Variants in DIS3L2 observed in about 807,000 individuals in gnomAD.
DIS3L2 encodes DIS3-like exonuclease 2.
Under a neutral mutation model 97.5 loss-of-function variants are expected in DIS3L2, and 34 were observed. The observed-to-expected ratio is 0.35, with a 90% confidence interval of 0.27 to 0.46. The LOEUF is 0.46. Among genes scored for constraint, DIS3L2 ranks in the 20% least tolerant of loss-of-function variants. The pLI is 1.00. For synonymous variants in DIS3L2, 435 were observed against 445.2 expected, an observed-to-expected ratio of 0.98 and a Z score of 0.29; for missense variants, 1,038 against 1,146.0, an observed-to-expected ratio of 0.91 and a Z score of 1.36.
chr2:232,338,121 G>A (rs73092156), downstream of DIS3L2, among the ~76,000 whole-genome samples: 17,013 of 151,738 alleles, frequency 0.11, 1,363 homozygotes, highest in African/African-American at 0.23. Context: ...CAGCCTGACT[G>A]TGAGAGCCCC....
chr2:232,304,434 C>T (rs7587275), intron 14 of DIS3L2, among the ~76,000 whole-genome samples: 19,927 of 152,160 alleles, frequency 0.13, 2,175 homozygotes, highest in African/African-American at 0.3. Context: ...AGGAGCAAAG[C>T]GCACTCCAGC....
intron 7 of DIS3L2, among the ~76,000 whole-genome samples, chr2:232,134,114 T>C (rs1160080091): frequency 6.6e-6 from 1 of 151,840 alleles, no homozygotes; most frequent in Non-Finnish European, 1.5e-5. Context: ...ATCAGTGAAC[T>C]TGAGGAGATC....
At position 232,336,924 on chromosome 2, in the gene DIS3L2, T is replaced by TG. The variant is rs555818431; in HGVS notation, c.*301dup. 3,478 of 1,227,832 alleles carry TG rather than the reference T, an allele frequency of 2.8e-3. 3 individuals carry two copies. Among genetic ancestry groups the TG allele is most frequent in the Admixed American group, 3.6e-3 (85 of 23,890 alleles). 76.1% of individuals were successfully genotyped at this position (1,227,832 alleles called of 1,614,324 possible). On this transcript the variant is annotated 3_prime_UTR_variant, in exon 21 of 21. Transcript: ENST00000325385. The stretch of plus-strand genomic sequence containing the variant: ...CTACTGCCCTCCTCTGCCCAGGAAA[T>TG]GGGGGGGTTTCAGCAACTCAGTGTC...
intron 5 of DIS3L2, among the ~76,000 whole-genome samples, chr2:232,049,535 A>G (rs1256684626): frequency 2.6e-5 from 4 of 152,146 alleles, no homozygotes; most frequent in South Asian, 2.1e-4. Flanking sequence ...TTCTGTCCAC[A>G]TGATGACACA....
intron 12 of DIS3L2, among the ~76,000 whole-genome samples, chr2:232,253,245 A>C (rs569784834): frequency 1.3e-5 from 2 of 152,262 alleles, no homozygotes; most frequent in African/African-American, 4.8e-5. Flanking sequence ...ATTGGAGTGC[A>C]ATAGCCACAG....
chr2:232,143,432 A>G (rs1454419739), intron 8 of DIS3L2, among the ~76,000 whole-genome samples: 2 of 152,164 alleles, frequency 1.3e-5, no homozygotes, highest in Non-Finnish European at 2.9e-5. Context: ...GGTGATCATT[A>G]TAAATAACTC....
At chr2:232,158,089 A>G (rs547613809) in intron 8 of DIS3L2, among the ~76,000 whole-genome samples, 2 of 152,292 alleles carry the variant, frequency 1.3e-5, no homozygotes, top group East Asian at 3.9e-4. Flanking sequence ...ACTGCCTATC[A>G]GCCTATCAGG....
chr2:232,279,619 C>T (rs1441769697), intron 13 of DIS3L2, among the ~76,000 whole-genome samples: 1 of 152,134 alleles, frequency 6.6e-6, no homozygotes, highest in East Asian at 1.9e-4. Flanking sequence ...TCCTCTACCT[C>T]CTGGGTTCGA....
intron 1 of DIS3L2, among the ~76,000 whole-genome samples, chr2:231,980,715 A>G (rs1693228380): frequency 6.6e-6 from 1 of 152,142 alleles, no homozygotes; most frequent in African/African-American, 2.4e-5. Flanking sequence ...AGAGAAAAAA[A>G]AAAGATAAGC....
intron 8 of DIS3L2, among the ~76,000 whole-genome samples, chr2:232,140,142 T>C (rs1299079752): frequency 6.6e-6 from 1 of 152,192 alleles, no homozygotes; most frequent in Non-Finnish European, 1.5e-5. Context: ...TACACTTCCT[T>C]TCCTAACAGT....
chr2:232,257,529 G>C (rs1240390458), intron 12 of DIS3L2, among the ~76,000 whole-genome samples: 1 of 152,130 alleles, frequency 6.6e-6, no homozygotes, highest in Non-Finnish European at 1.5e-5. Context: ...ACTCCAAACA[G>C]CCTGGTTTTG....
chr2:232,226,060 T>A (rs926648724), intron 10 of DIS3L2, among the ~76,000 whole-genome samples: 2 of 152,212 alleles, frequency 1.3e-5, no homozygotes, highest in African/African-American at 2.4e-5. Flanking sequence ...GATATGGGCT[T>A]TCTTTCTGGG....
intron 10 of DIS3L2, among the ~76,000 whole-genome samples, chr2:232,210,800 G>A (rs547224272): frequency 4.6e-5 from 7 of 151,646 alleles, no homozygotes; most frequent in South Asian, 2.1e-4. Context: ...ACCAAATAAC[G>A]TGATTGAAGG....
intron 10 of DIS3L2, among the ~76,000 whole-genome samples, chr2:232,226,187 A>G (rs1250287783): frequency 6.6e-6 from 1 of 152,236 alleles, no homozygotes; most frequent in Non-Finnish European, 1.5e-5. Context: ...TGAAATCTCA[A>G]TAAAGCTGTC....
At chr2:232,278,382 G>A (rs967843509) in intron 13 of DIS3L2, among the ~76,000 whole-genome samples, 10 of 152,052 alleles carry the variant, frequency 6.6e-5, no homozygotes, top group Non-Finnish European at 1.0e-4. Flanking sequence ...CAAGCTACAC[G>A]TATAGTCATG....
At chr2:232,165,154 T>C (rs545826303) in intron 9 of DIS3L2, among the ~76,000 whole-genome samples, 3 of 152,324 alleles carry the variant, frequency 2.0e-5, no homozygotes, top group South Asian at 2.1e-4. Context: ...TAATGTCCAT[T>C]AATAAAGGAA....
chr2:232,337,438 G>T (rs1271121534), downstream of DIS3L2, among the ~76,000 whole-genome samples: 1 of 152,100 alleles, frequency 6.6e-6, no homozygotes, highest in Non-Finnish European at 1.5e-5. Flanking sequence ...GCCTGGGCCT[G>T]GGGGAGGGGA....
rs535152700 is a variant in DIS3L2 at position 232,022,182 on chromosome 2, G to A, written c.211-2095G>A. ...TATAGGAACAACTCTGGTCTGCTGCGGAGCTCTGTGGGAGTTTCTGCTTTC... is the reference window on the plus strand; with the variant it reads ...TATAGGAACAACTCTGGTCTGCTGCAGAGCTCTGTGGGAGTTTCTGCTTTC... On this transcript the variant is annotated intron_variant, in intron 3 of 20. Coordinates refer to ENST00000325385, the MANE Select transcript of DIS3L2 (RefSeq NM_152383.5). Among the ~76,000 whole-genome samples, 47 of 152,218 alleles carry A rather than the reference G, an allele frequency of 3.1e-4. 1 individual carries two copies. The South Asian group carries it at 8.7e-3, about 28-fold the overall frequency.
intron 12 of DIS3L2, chr2:232,260,306 T>G (rs1420817211): frequency 6.6e-6 from 1 of 152,264 alleles, no homozygotes; most frequent in Non-Finnish European, 1.5e-5. Context: ...CATGGCCCTG[T>G]CATTCCAGAG....
Sources: gnomAD v4.1 joint callset for allele counts (sites outside exome capture counted in the v4.1 genomes callset) on GRCh38, gnomAD v4.1.1 for gene constraint, MANE v1.5 for transcripts, NCBI Gene and HGNC (gene_info 2026-07-23, HGNC 2026-07-21) for gene names.